Variants in RNF216 observed in about 807,000 individuals in gnomAD.
RNF216 encodes the protein E3 ubiquitin-protein ligase RNF216.
RNF216 carries 72 observed loss-of-function variants against 110.8 expected under a neutral mutation model. That is an observed-to-expected ratio of 0.65 (90% CI 0.54 to 0.79). The LOEUF (loss-of-function observed/expected upper bound fraction) is 0.79. RNF216 is among the 30% of genes least tolerant of loss of function. The pLI is 0.00. For missense variants in RNF216, 1,342 were observed against 1,141.2 expected (o/e 1.18, Z -2.54); for synonymous variants, 495 against 407.5 (o/e 1.21, Z -2.59).
intron 3 of RNF216, among the ~76,000 whole-genome samples, chr7:5,744,889 T>C (rs1239897249): frequency 6.6e-6 from 1 of 152,020 alleles, no homozygotes; most frequent in Non-Finnish European, 1.5e-5. Flanking sequence ...GCAGAATCAC[T>C]TGAACCTGGG....
chr7:5,628,513 T>C (rs1786856699), intron 15 of RNF216, among the ~76,000 whole-genome samples: 1 of 152,196 alleles, frequency 6.6e-6, no homozygotes, highest in South Asian at 2.1e-4. Context: ...TGTTAGACTC[T>C]AAAGGGAAGA....
Position 5,773,187 on chromosome 7 carries a change from C to A in RNF216, c.-70+8354G>T, listed in dbSNP as rs540132861. 3.3e-5 allele frequency among the ~76,000 whole-genome samples: 5 copies of A among 152,116 alleles called. No homozygotes were observed. The South Asian group carries it at 8.3e-4, about 25-fold the overall frequency. Reference sequence around the variant, plus strand: ...ATAAGTAGCATGGTATTTAAAAGAACAGCTCTGGTATCAAATTTGAACTGC... The same window carrying A: ...ATAAGTAGCATGGTATTTAAAAGAAAAGCTCTGGTATCAAATTTGAACTGC... On this transcript the variant is annotated intron_variant, in intron 1 of 16. Transcript: ENST00000389902.
In RNF216 at chr7:5,729,473, C is replaced by T. The variant is rs1562437571; in HGVS notation, c.1348G>A (p.Ala450Thr). 1 of 1,614,098 alleles carries T rather than the reference C, an allele frequency of 6.2e-7. No homozygotes were observed. The highest frequency in any genetic ancestry group is 8.5e-7 in the Non-Finnish European group (1 of 1,180,002). Residue 450 changes from alanine (A) to threonine (T), a missense_variant, in exon 7 of 17, where the codon GCC becomes ACC. By Grantham distance (58) the Ala-to-Thr change is moderately conservative. Transcript: ENST00000389902. Reference sequence around the variant, plus strand: ...TAGTGTCCTTTGAGCTCGTGCAGGGCCCACTTGATGTCCTGACTACTGAGC... The same window carrying T: ...TAGTGTCCTTTGAGCTCGTGCAGGGTCCACTTGATGTCCTGACTACTGAGC... ...KVLSSQDIKW[A>T]LHELKGHYAI...
At chr7:5,753,720 G>A (rs1584576934) in intron 2 of RNF216, among the ~76,000 whole-genome samples, 3 of 152,330 alleles carry the variant, frequency 2.0e-5, no homozygotes, top group Admixed American at 2.0e-4. Flanking sequence ...GCATTGGCCG[G>A]GAGCAGTGGC....
intron 15 of RNF216, among the ~76,000 whole-genome samples, chr7:5,638,944 C>T (rs927486361): frequency 3.9e-5 from 6 of 152,088 alleles, no homozygotes; most frequent in African/African-American, 1.4e-4. Context: ...CAGCTTTTTT[C>T]CCTACTTATA....
chr7:5,632,465 G>A (rs952088880), intron 15 of RNF216, among the ~76,000 whole-genome samples: 1 of 152,230 alleles, frequency 6.6e-6, no homozygotes, highest in African/African-American at 2.4e-5. Context: ...AGTGGATGCT[G>A]ATCAGCGACC....
intron 8 of RNF216, among the ~76,000 whole-genome samples, chr7:5,723,446 G>C (rs1485208309): frequency 1.1e-4 from 17 of 151,986 alleles, no homozygotes; most frequent in Non-Finnish European, 2.9e-5. Context: ...AGGAGATCGA[G>C]ACCATCCTGG....
At chr7:5,638,780 G>A (rs557650537) in intron 15 of RNF216, among the ~76,000 whole-genome samples, 1 of 151,990 alleles carries the variant, frequency 6.6e-6, no homozygotes, top group South Asian at 2.1e-4. Context: ...TATGACTACA[G>A]GTGAGCACCA....
intron 9 of RNF216, among the ~76,000 whole-genome samples, chr7:5,717,235 C>T (rs568236830): frequency 6.6e-6 from 1 of 152,242 alleles, no homozygotes; most frequent in East Asian, 1.9e-4. Flanking sequence ...CACCTGTAAT[C>T]CCAGCTACTT....
Position 5,622,825 on chromosome 7 carries a change from C to G in RNF216, c.*35G>C. 6.4e-7 allele frequency: 1 copy of G among 1,552,510 alleles called. No individual in the cohort carries two copies. Among genetic ancestry groups the G allele is most frequent in the African/African-American group, 1.3e-5 (1 of 74,258 alleles). On this transcript the variant is annotated 3_prime_UTR_variant, in exon 17 of 17. Transcript: ENST00000389902. Reference sequence around the variant, plus strand: ...TCTCCATCCACACTCCTACCCCAAACGGGCTTTGTGCTGCTCAATGGGGAT... The same window carrying G: ...TCTCCATCCACACTCCTACCCCAAAGGGGCTTTGTGCTGCTCAATGGGGAT...
chr7:5,702,419 A>G (rs1383610627), intron 13 of RNF216, among the ~76,000 whole-genome samples: 2 of 152,220 alleles, frequency 1.3e-5, no homozygotes, highest in African/African-American at 2.4e-5. Flanking sequence ...GCGTTTTGTT[A>G]TAATGCGTAT....
At chr7:5,655,883 G>T (rs1321982905) in intron 13 of RNF216, among the ~76,000 whole-genome samples, 1 of 152,014 alleles carries the variant, frequency 6.6e-6, no homozygotes, top group African/African-American at 2.4e-5. Context: ...TTGAGCCAGG[G>T]TCTCACTCTG....
chr7:5,697,310 C>T (rs71531330), intron 13 of RNF216, among the ~76,000 whole-genome samples: 6,817 of 152,304 alleles, frequency 0.045, 221 homozygotes, highest in Non-Finnish European at 0.071. Flanking sequence ...CAGTTAGGGC[C>T]GTGGTTGCCC....
chr7:5,668,320 T>G (rs1789663742), intron 13 of RNF216, among the ~76,000 whole-genome samples: 1 of 150,680 alleles, frequency 6.6e-6, no homozygotes, highest in South Asian at 2.1e-4. Flanking sequence ...GCCTCCCAGG[T>G]TCACACCATT....
Position 5,641,163 on chromosome 7 carries a change from G to A in RNF216, c.2373C>T (p.Thr791=), listed in dbSNP as rs1249502527. 3.1e-6 allele frequency: 5 copies of A among 1,612,308 alleles called. No homozygotes were observed. Among genetic ancestry groups the A allele is most frequent in the East Asian group, 4.5e-5 (2 of 44,878 alleles). ...CQECSRCSLW[T]DPTEDDEKLI... ...CCATGTGTCTACTTACAGTGGGATC[G>A]GTCCAGAGAGAGCATCTTGAACACT... The change falls in exon 15 of 17, where the codon ACC becomes ACT. Residue 791 remains threonine (T), a synonymous_variant. Transcript: ENST00000389902.
intron 5 of RNF216, among the ~76,000 whole-genome samples, chr7:5,733,802 T>C (rs987957904): frequency 4.6e-5 from 7 of 152,168 alleles, no homozygotes; most frequent in African/African-American, 1.4e-4. Context: ...TCATGCCTAC[T>C]CTAGTTAACT....
chr7:5,692,956 G>C (rs1791423096), intron 13 of RNF216, among the ~76,000 whole-genome samples: 1 of 152,202 alleles, frequency 6.6e-6, no homozygotes, highest in South Asian at 2.1e-4. Context: ...TTTTATGTCT[G>C]TGTCAGCAAG....
At chr7:5,633,065 C>T (rs1358189424) in intron 15 of RNF216, among the ~76,000 whole-genome samples, 3 of 151,928 alleles carry the variant, frequency 2.0e-5, no homozygotes, top group East Asian at 2.0e-4. Context: ...CTGCAACCTC[C>T]GCCTCCCGGG....
chr7:5,686,587 A>T (rs1163019229), intron 13 of RNF216, among the ~76,000 whole-genome samples: 1 of 152,228 alleles, frequency 6.6e-6, no homozygotes, highest in Admixed American at 6.5e-5. Flanking sequence ...CTGATGTTCT[A>T]AATTGTGAGG....
Sources: gnomAD v4.1 joint callset for allele counts (sites outside exome capture counted in the v4.1 genomes callset) on GRCh38, gnomAD v4.1.1 for gene constraint, MANE v1.5 for transcripts, NCBI Gene and HGNC (gene_info 2026-07-23, HGNC 2026-07-21) for gene names.